TBL1XR1: variants seen among roughly 807,000 people sequenced by gnomAD.
TBL1XR1 encodes TBL1X/Y related 1, also known as F-box-like/WD repeat-containing protein TBL1XR1.
A neutral mutation model predicts 66.9 loss-of-function variants in TBL1XR1; 5 were observed. That is an observed-to-expected ratio of 0.07 (90% CI 0.04 to 0.16). TBL1XR1 has a LOEUF of 0.16. Ranked by LOEUF, TBL1XR1 falls within the 10% of genes least tolerant of loss-of-function variation. TBL1XR1 has a pLI of 1.00. For synonymous variants in TBL1XR1, 210 were observed against 206.0 expected, an observed-to-expected ratio of 1.02 and a Z score of -0.17; for missense variants, 238 against 623.2, an observed-to-expected ratio of 0.38 and a Z score of 6.58.
chr3:177,131,244 A>C, intron 1 of TBL1XR1: 1 of 629,306 alleles, frequency 1.6e-6, no homozygotes, highest in Non-Finnish European at 2.0e-6. Context: ...CTTCATTCAA[A>C]GACACATAGC....
chr3:177,102,180 C>T (rs1015599312), intron 1 of TBL1XR1, among the ~76,000 whole-genome samples: 21 of 152,102 alleles, frequency 1.4e-4, no homozygotes, highest in African/African-American at 5.1e-4. Flanking sequence ...TTTTCTCTAC[C>T]TTTGTCTTCA....
intron 2 of TBL1XR1, among the ~76,000 whole-genome samples, chr3:177,090,822 A>C (rs2108641766): frequency 6.6e-6 from 1 of 152,036 alleles, no homozygotes; most frequent in East Asian, 1.9e-4. Context: ...AATAAAATAA[A>C]ATAGAAGTTA....
Position 177,095,495 on chromosome 3 carries a change from A to ATATT in TBL1XR1, c.-46+2970_-46+2971insAATA, listed in dbSNP as rs1553840323. Reference sequence around the variant, plus strand: ...AAATCATGATTAAAGGTGCAATTAGATTTTTTTTTTTTTTGAGATGGTGTC... The same window carrying ATATT: ...AAATCATGATTAAAGGTGCAATTAGATATTTTTTTTTTTTTTTTGAGATGGTGTC... On this transcript the variant is annotated intron_variant, in intron 2 of 15. Coordinates refer to ENST00000457928, the MANE Select transcript of TBL1XR1 (RefSeq NM_024665.7). Among the ~76,000 whole-genome samples the ATATT allele has an allele frequency of 1.6e-4, 11 of 70,542 alleles. No homozygotes were observed. The East Asian group carries it at 2.1e-3, about 13-fold the overall frequency. 46.3% of individuals were successfully genotyped at this position (70,542 alleles called of 152,430 possible).
chr3:177,154,002 GA>G (rs569948868), intron 1 of TBL1XR1, among the ~76,000 whole-genome samples: 1 of 144,982 alleles, frequency 6.9e-6, no homozygotes, highest in African/African-American at 2.6e-5. Context: ...AAGGCGCCAA[GA>G]AAAAAAAAGA....
At chr3:177,185,600 T>C (rs562973326) in intron 1 of TBL1XR1, among the ~76,000 whole-genome samples, 4 of 115,418 alleles carry the variant, frequency 3.5e-5, no homozygotes, top group Admixed American at 1.7e-4. Flanking sequence ...AGAATGAGAC[T>C]GTTTCCAAAA....
intron 1 of TBL1XR1, among the ~76,000 whole-genome samples, chr3:177,174,405 T>C (rs539686497): frequency 0.016 from 983 of 60,554 alleles, 5 homozygotes; most frequent in Middle Eastern, 0.026. Context: ...CGAGACTCCA[T>C]CTCAAAAAAA....
At chr3:177,172,649 A>AGAGAGAGAAAG (rs1560260437) in intron 1 of TBL1XR1, among the ~76,000 whole-genome samples, 3 of 48,634 alleles carry the variant, frequency 6.2e-5, no homozygotes, top group Non-Finnish European at 5.7e-5. Flanking sequence ...GAGAGAGAGA[A>AGAGAGAGAAAG]AGAGAGAGAG....
rs373774357 is a variant in TBL1XR1 at position 177,173,320 on chromosome 3, G to C, written c.-122+23801C>G. On this transcript the variant is annotated intron_variant, in intron 1 of 15. Transcript: ENST00000457928. Reference sequence around the variant, plus strand: ...ATCCCTTTGCCTTGCATGAGGGCTAGATTAGTAGACTCACTTCTAATGAGC... The same window carrying C: ...ATCCCTTTGCCTTGCATGAGGGCTACATTAGTAGACTCACTTCTAATGAGC... Among the ~76,000 whole-genome samples the C allele has an allele frequency of 4.6e-5, 7 of 152,334 alleles. No homozygotes were observed. In the East Asian group the frequency reaches 1.2e-3, roughly 25 times the overall value.
intron 1 of TBL1XR1, among the ~76,000 whole-genome samples, chr3:177,181,834 A>C (rs1332771712): frequency 2.5e-5 from 3 of 118,704 alleles, no homozygotes; most frequent in Non-Finnish European, 5.7e-5. Flanking sequence ...AAAAAAAAAA[A>C]AAACACACAC....
At chr3:177,094,879 C>A (rs770917989) in intron 2 of TBL1XR1, among the ~76,000 whole-genome samples, 4 of 152,010 alleles carry the variant, frequency 2.6e-5, no homozygotes, top group Non-Finnish European at 5.9e-5. Context: ...GTACACTGCA[C>A]AGGTGATGAG....
intron 1 of TBL1XR1, among the ~76,000 whole-genome samples, chr3:177,150,322 A>G (rs760939139): frequency 6.6e-6 from 1 of 152,206 alleles, no homozygotes; most frequent in Non-Finnish European, 1.5e-5. Flanking sequence ...AAAGAAGTTG[A>G]TATTTGAACA....
chr3:177,168,902 G>A (rs1733137815), intron 1 of TBL1XR1, among the ~76,000 whole-genome samples: 1 of 152,124 alleles, frequency 6.6e-6, no homozygotes, highest in South Asian at 2.1e-4. Flanking sequence ...TACAGATTTG[G>A]AGAGGGGGAA....
In TBL1XR1 at chr3:177,026,467, G is replaced by C; in HGVS notation, c.1424C>G (p.Ala475Gly). Residue 475 changes from alanine to glycine, a missense_variant, in exon 15 of 16, where the codon GCT becomes GGT. By Grantham distance (60) the Ala-to-Gly change is moderately conservative. Around this residue, in one of 8 missense-constraint regions of TBL1XR1, gnomAD observed 26 missense variants for 35.1 expected, o/e 0.74. Transcript: ENST00000457928. Reference protein sequence around the residue: ...CVHIWNTQTGALVHSYRGTGG... With the variant: ...CVHIWNTQTGGLVHSYRGTGG... ...TGTTCCCCTATAGCTGTGAACTAGA[G>C]CACCTGTCTAAAAGAATGAAAAACA... is the stretch of plus-strand genomic sequence containing the variant. 1 of 1,595,250 alleles carries C rather than the reference G, an allele frequency of 6.3e-7. No individual in the cohort carries two copies. The highest frequency in any genetic ancestry group is 8.5e-7 in the Non-Finnish European group (1 of 1,174,586).
chr3:177,089,829 T>C (rs1392253416), intron 2 of TBL1XR1, among the ~76,000 whole-genome samples: 2 of 152,152 alleles, frequency 1.3e-5, no homozygotes, highest in Admixed American at 6.5e-5. Context: ...GAAAAAGATA[T>C]GCAAACAGTT....
chr3:177,191,595 T>C (rs1218545399), intron 1 of TBL1XR1, among the ~76,000 whole-genome samples: 4 of 152,136 alleles, frequency 2.6e-5, no homozygotes, highest in Non-Finnish European at 2.9e-5. Flanking sequence ...TTAAGTATGG[T>C]TAAAAATGGG....
intron 14 of TBL1XR1, among the ~76,000 whole-genome samples, chr3:177,031,926 C>A (rs1260755411): frequency 2.0e-5 from 3 of 151,748 alleles, no homozygotes; most frequent in Non-Finnish European, 2.9e-5. Flanking sequence ...CAATGAATAA[C>A]CCAGTTGAAA....
intron 1 of TBL1XR1, among the ~76,000 whole-genome samples, chr3:177,146,932 A>G (rs1035482197): frequency 4.6e-5 from 7 of 152,184 alleles, no homozygotes; most frequent in Non-Finnish European, 8.8e-5. Flanking sequence ...TGCATTCACA[A>G]GTATTTTATG....
chr3:177,051,386 A>C (rs1717065582), intron 5 of TBL1XR1, 118 bp downstream of exon 5: 95 of 890,602 alleles, frequency 1.1e-4, no homozygotes, highest in Middle Eastern at 3.5e-4. Context: ...CTGTACAACA[A>C]ACCCCTGTGA....
At chr3:177,091,185 G>A (rs185527497) in intron 2 of TBL1XR1, 1 of 152,156 alleles carries the variant, frequency 6.6e-6, no homozygotes, top group East Asian at 1.9e-4. Context: ...ATCCCACTGA[G>A]ACGTGGACAA....
Sources: gnomAD v4.1 joint callset for allele counts (sites outside exome capture counted in the v4.1 genomes callset) on GRCh38, gnomAD v4.1.1 for gene constraint, gnomAD v4.1.1 regional missense constraint, MANE v1.5 for transcripts, NCBI Gene and HGNC (gene_info 2026-07-23, HGNC 2026-07-21) for gene names.